EIF2AK3: variants seen among roughly 807,000 people sequenced by gnomAD.
EIF2AK3 encodes the protein eukaryotic translation initiation factor 2 alpha kinase 3.
In EIF2AK3, 50 loss-of-function variants were observed where a neutral mutation model predicts 113.5. The ratio of observed to expected loss-of-function variants is 0.44; its 90% CI spans 0.35 to 0.56. The LOEUF is 0.56. EIF2AK3 is among the 20% of genes least tolerant of loss of function. The probability of loss-of-function intolerance (pLI) is 0.00; values close to 1 mark genes in which losing one functional copy is unlikely to be tolerated. For missense variants in EIF2AK3, 1,185 were observed against 1,378.0 expected (o/e 0.86, Z 2.22); for synonymous variants, 448 against 495.4 (o/e 0.90, Z 1.27).
chr2:88,582,826 T>C (rs1427905172), intron 10 of EIF2AK3, among the ~76,000 whole-genome samples: 2 of 152,150 alleles, frequency 1.3e-5, no homozygotes, highest in African/African-American at 2.4e-5. Flanking sequence ...AGAAGTATGC[T>C]ATCAAGACAA....
rs79609641 is a variant in EIF2AK3 at position 88,579,672 on chromosome 2, G to A, written c.1764-32C>T. 1,999 of 1,602,124 alleles carry A rather than the reference G, an allele frequency of 1.2e-3. 1 individual carries two copies. The highest frequency in any genetic ancestry group is 1.6e-3 in the Non-Finnish European group (1,846 of 1,172,070). ...AAAGAGATAAAATTTATAAAGGTTT[G>A]CAACAGTTTTAAATTTTGTGGTAAT... On this transcript the variant is annotated intron_variant, in intron 10 of 16. Coordinates refer to ENST00000303236, the MANE Select transcript of EIF2AK3 (RefSeq NM_004836.7).
At chr2:88,594,541 G>C (rs1460798700) in intron 3 of EIF2AK3, among the ~76,000 whole-genome samples, 1 of 152,082 alleles carries the variant, frequency 6.6e-6, no homozygotes, top group Admixed American at 6.5e-5. Context: ...GGATTTATAA[G>C]ACCCAATCTT....
intron 7 of EIF2AK3, among the ~76,000 whole-genome samples, 158 bp downstream of exon 7, chr2:88,588,603 A>G (rs1183419541): frequency 6.6e-6 from 1 of 152,196 alleles, no homozygotes; most frequent in Admixed American, 6.5e-5. Context: ...TGAAAATAAA[A>G]ATTCATTATT....
At chr2:88,583,652 G>A in intron 9 of EIF2AK3, 110 bp from the exon 10 acceptor site, 2 of 801,542 alleles carry the variant, frequency 2.5e-6, no homozygotes, top group Non-Finnish European at 4.2e-6. Flanking sequence ...GTAGCATCAA[G>A]AAAAATAAAA....
chr2:88,565,789 A>C, intron 14 of EIF2AK3, among the ~76,000 whole-genome samples: 1 of 152,194 alleles, frequency 6.6e-6, no homozygotes, highest in Non-Finnish European at 1.5e-5. Context: ...TTTCCTATAG[A>C]TAGAAATATG....
intron 2 of EIF2AK3, among the ~76,000 whole-genome samples, chr2:88,612,592 T>C (rs1675482905): frequency 6.6e-6 from 1 of 152,166 alleles, no homozygotes; most frequent in Non-Finnish European, 1.5e-5. Context: ...ACACAGCAAA[T>C]GTGGAAATTT....
intron 1 of EIF2AK3, among the ~76,000 whole-genome samples, chr2:88,614,907 C>T (rs1252599803): frequency 6.6e-6 from 1 of 152,210 alleles, no homozygotes; most frequent in Non-Finnish European, 1.5e-5. Flanking sequence ...ACTATCCTCA[C>T]TTTAATTAAC....
At chr2:88,566,612 A>C (rs1553406902) in intron 14 of EIF2AK3, among the ~76,000 whole-genome samples, 1 of 152,090 alleles carries the variant, frequency 6.6e-6, no homozygotes, top group Non-Finnish European at 1.5e-5. Context: ...GCACTTATCA[A>C]CCCATCATCT....
At chr2:88,627,788 C>G (rs1675914383), upstream of EIF2AK3, 1 of 153,488 alleles carries the variant, frequency 6.5e-6, no homozygotes, top group Non-Finnish European at 1.5e-5. Context: ...CTGGAGAAGA[C>G]TTGAAGATCA....
At chr2:88,618,445 G>A (rs1331254753) in intron 1 of EIF2AK3, among the ~76,000 whole-genome samples, 1 of 152,170 alleles carries the variant, frequency 6.6e-6, no homozygotes, top group Non-Finnish European at 1.5e-5. Context: ...CTTCATTCGA[G>A]TTATTTTTTC....
chr2:88,606,961 A>G (rs1486624555), intron 2 of EIF2AK3, among the ~76,000 whole-genome samples: 2 of 152,226 alleles, frequency 1.3e-5, no homozygotes, highest in Non-Finnish European at 1.5e-5. Flanking sequence ...CTTAAGAGGA[A>G]AAAAAGGGCA....
intron 2 of EIF2AK3, among the ~76,000 whole-genome samples, chr2:88,604,497 T>C (rs1033250572): frequency 1.3e-5 from 2 of 152,182 alleles, no homozygotes; most frequent in Admixed American, 6.5e-5. Flanking sequence ...TGTTAGAGTC[T>C]TTCTTTGTGC....
chr2:88,595,949 A>C (rs767058456), intron 2 of EIF2AK3: 2 of 461,516 alleles, frequency 4.3e-6, no homozygotes, highest in Non-Finnish European at 7.9e-6. Flanking sequence ...AAAGGGTCCC[A>C]TAATGGTAGG....
At chr2:88,596,013 T>C (rs1476765844) in intron 2 of EIF2AK3, among the ~76,000 whole-genome samples, 1 of 152,210 alleles carries the variant, frequency 6.6e-6, no homozygotes, top group African/African-American at 2.4e-5. Context: ...GAGGTTACTA[T>C]AGGAGCTCTT....
In EIF2AK3 at chr2:88,557,224, TAC is replaced by T. The variant is rs1317102528; in HGVS notation, c.*510_*511del. ...ATAAAACTACGGACATAAACCGTTA[TAC>T]AGTTTGTGCTACTTGTCCTCCAAAA... On this transcript the variant is annotated 3_prime_UTR_variant, in exon 17 of 17. Coordinates refer to ENST00000303236, the MANE Select transcript of EIF2AK3 (RefSeq NM_004836.7). The T allele has an allele frequency of 1.2e-5, 2 of 169,576 alleles. No individual in the cohort carries two copies. The highest frequency in any genetic ancestry group is 2.6e-5 in the Non-Finnish European group (2 of 77,574). 10.5% of individuals were successfully genotyped at this position (169,576 alleles called of 1,614,324 possible).
At chr2:88,600,391 T>C (rs1675122337) in intron 2 of EIF2AK3, among the ~76,000 whole-genome samples, 1 of 152,208 alleles carries the variant, frequency 6.6e-6, no homozygotes, top group Non-Finnish European at 1.5e-5. Context: ...TAGGTTACGG[T>C]GATGCATTTT....
At chr2:88,576,474 A>T in intron 12 of EIF2AK3, 80 bp downstream of exon 12, 1 of 1,569,976 alleles carries the variant, frequency 6.4e-7, no homozygotes, top group Non-Finnish European at 8.6e-7. Context: ...AAAAAAAAAA[A>T]TCCCTAAAGT....
intron 1 of EIF2AK3, among the ~76,000 whole-genome samples, chr2:88,621,670 G>A (rs1274904756): frequency 6.6e-6 from 1 of 152,182 alleles, no homozygotes; most frequent in East Asian, 1.9e-4. Context: ...AAATCTTCAA[G>A]TCAAACCTCC....
chr2:88,588,217 A>C, intron 7 of EIF2AK3, 113 bp from the exon 8 acceptor site: 5 of 696,768 alleles, frequency 7.2e-6, no homozygotes, highest in Non-Finnish European at 8.8e-6. Context: ...ACCATAATTC[A>C]ATTCAAACAT....
Sources: allele counts gnomAD v4.1 joint callset (sites outside exome capture counted in the v4.1 genomes callset), GRCh38; gene constraint gnomAD v4.1.1; transcripts MANE v1.5; gene names NCBI Gene and HGNC (gene_info 2026-07-23, HGNC 2026-07-21).